MAPKBP1: variants seen among roughly 807,000 people sequenced by gnomAD.
The protein encoded by MAPKBP1 is mitogen-activated protein kinase-binding protein 1.
MAPKBP1 carries 71 observed loss-of-function variants against 170.5 expected under a neutral mutation model. That is an observed-to-expected ratio of 0.42 (90% CI 0.34 to 0.51). The LOEUF is 0.51. Ranked by LOEUF, MAPKBP1 falls within the 20% of genes least tolerant of loss-of-function variation. The pLI is 0.06. For synonymous variants in MAPKBP1, 719 were observed against 757.9 expected (o/e 0.95, Z 0.84); for missense variants, 1,598 against 1,933.0 (o/e 0.83, Z 3.25).
At position 41,827,657 on chromosome 15, in the gene MAPKBP1, T is replaced by A. The variant is rs1474295710; in HGVS notation, c.*2221T>A. 6.5e-6 allele frequency: 1 copy of A among 153,488 alleles called. No individual in the cohort carries two copies. Among genetic ancestry groups the A allele is most frequent in the African/African-American group, 2.4e-5 (1 of 41,518 alleles). 9.5% of individuals were successfully genotyped at this position (153,488 alleles called of 1,614,324 possible). A position where few individuals can be genotyped will look rare whatever the true frequency, so the allele number is the denominator to read the frequency against. On this transcript the variant is annotated 3_prime_UTR_variant, in exon 31 of 31. Coordinates refer to ENST00000457542, the MANE Select transcript of MAPKBP1 (RefSeq NM_014994.3). ...GGCGCCCCGTCCCCTTCTGCATGTCTGAGGCCACCGGCAACCGCCGCCCCA... is the reference window on the plus strand; with the variant it reads ...GGCGCCCCGTCCCCTTCTGCATGTCAGAGGCCACCGGCAACCGCCGCCCCA...
rs1466304077 is a variant in MAPKBP1 at position 41,817,049 on chromosome 15, G to A, written c.1711+14G>A. The A allele has an allele frequency of 4.5e-6, 7 of 1,568,878 alleles. No homozygotes were observed. The highest frequency in any genetic ancestry group is 1.8e-4 in the Middle Eastern group (1 of 5,626). On this transcript the variant is annotated intron_variant, in intron 14 of 30. Coordinates refer to ENST00000457542, the MANE Select transcript of MAPKBP1 (RefSeq NM_014994.3). The surrounding 1 kb of genome is among the most constrained non-coding windows in gnomAD (Gnocchi z 4.2). ...TTAAGTTTGCAGGTGCGGGCAGGGT[G>A]AATGAGACACATCCTGCCACTCTCA...
rs761410093 is a variant in MAPKBP1, at chr15:41,812,632, C to G, written c.615C>G (p.Leu205=). 2.5e-6 allele frequency: 4 copies of G among 1,610,424 alleles called. No homozygotes were observed. The East Asian group carries it at 8.9e-5, about 36-fold the overall frequency. ...ACCGACACATCAAATTCTGGTATCT[C>G]GATGACAGCAAGACCTCAAAGGTGA... ...AGNRHIKFWY[L]DDSKTSKVNA... The change falls in exon 7 of 31, where the codon CTC becomes CTG. Residue 205 remains leucine (L), a synonymous_variant. Coordinates refer to ENST00000457542, the MANE Select transcript of MAPKBP1 (RefSeq NM_014994.3).
chr15:41,797,227 A>T (rs2064507610), intron 2 of MAPKBP1, among the ~76,000 whole-genome samples: 1 of 152,212 alleles, frequency 6.6e-6, no homozygotes, highest in African/African-American at 2.4e-5. Context: ...GACTTGGTGT[A>T]ATTCTTCGGC....
chr15:41,792,281 C>T (rs986340281), intron 2 of MAPKBP1, among the ~76,000 whole-genome samples: 1 of 151,792 alleles, frequency 6.6e-6, no homozygotes, highest in Non-Finnish European at 1.5e-5. Context: ...TTTGCTGGCC[C>T]TCTTTCTCTC....
At chr15:41,814,416 T>G in intron 9 of MAPKBP1, 134 bp from the exon 10 acceptor site, 1 of 817,664 alleles carries the variant, frequency 1.2e-6, no homozygotes, top group Non-Finnish European at 1.9e-6. Flanking sequence ...AGGGGCTCCT[T>G]TCTTCTCTCA....
intron 3 of MAPKBP1, among the ~76,000 whole-genome samples, chr15:41,800,455 A>G (rs1446509977): frequency 6.6e-6 from 1 of 150,690 alleles, no homozygotes; most frequent in Admixed American, 6.6e-5. Context: ...CAATCCTCCC[A>G]CCTCAGTCTC....
intron 22 of MAPKBP1, among the ~76,000 whole-genome samples, chr15:41,820,134 A>G (rs1268058926): frequency 6.6e-6 from 1 of 152,218 alleles, no homozygotes. Context: ...GAGGGGACCC[A>G]TAACTCAGCG....
chr15:41,819,557 G>GA, intron 21 of MAPKBP1, 38 bp from the exon 22 acceptor site: 1 of 1,384,688 alleles, frequency 7.2e-7, no homozygotes. Context: ...CGGGGGGGGG[G>GA]CAGGAGACAC....
At position 41,822,209 on chromosome 15, in the gene MAPKBP1, C is replaced by T. The variant is rs370279900; in HGVS notation, c.3032-16C>T. 1.6e-5 allele frequency: 26 copies of T among 1,608,066 alleles called. No homozygotes were observed. The highest frequency in any genetic ancestry group is 2.1e-5 in the Non-Finnish European group (25 of 1,176,110). On this transcript the variant is annotated splice_polypyrimidine_tract_variant and intron_variant, in intron 25 of 30. Transcript: ENST00000457542. Reference sequence around the variant, plus strand: ...ATGGGTGCAGTGCGATGCCTCTCTCCCCTCCCCACACCCAGACTCTGAGAG... The same window carrying T: ...ATGGGTGCAGTGCGATGCCTCTCTCTCCTCCCCACACCCAGACTCTGAGAG...
Position 41,822,989 on chromosome 15 carries a change from A to G in MAPKBP1, c.3365A>G (p.Gln1122Arg). The change falls in exon 28 of 31, where the codon CAG becomes CGG. Residue 1122 changes from glutamine (Q) to arginine (R), a missense_variant. By Grantham distance (43) the Gln-to-Arg change is conservative. Transcript: ENST00000457542. ...CTGGCACTGATGTCGAGACCAGCCC[A>G]GGTGCCACAGGCATCTGGTGAGCAG... ...SSLALMSRPA[Q>R]VPQASGEQPR... 1 of 1,614,030 alleles carries G rather than the reference A, an allele frequency of 6.2e-7. No homozygotes were observed. Among genetic ancestry groups the G allele is most frequent in the Non-Finnish European group, 8.5e-7 (1 of 1,179,952 alleles).
intron 3 of MAPKBP1, among the ~76,000 whole-genome samples, chr15:41,804,641 G>A (rs1249788311): frequency 6.6e-6 from 1 of 152,210 alleles, no homozygotes; most frequent in Admixed American, 6.5e-5. Flanking sequence ...GCCTTTAAGG[G>A]CATGTGCTTA....
rs546225206 is a variant in MAPKBP1 at position 41,778,130 on chromosome 15, A to C, written c.114+2741A>C. Among the ~76,000 whole-genome samples the C allele has an allele frequency of 5.9e-5, 9 of 152,312 alleles. No individual in the cohort carries two copies. In the South Asian group the frequency reaches 1.7e-3, roughly 28 times the overall value. ...GGGTCATGCTCTTTATTTCCTTTAC[A>C]TCACACCGTTTAGGACAGTGTAAGA... On this transcript the variant is annotated intron_variant, in intron 2 of 30. Transcript: ENST00000457542.
intron 2 of MAPKBP1, among the ~76,000 whole-genome samples, chr15:41,797,006 C>T (rs1212749479): frequency 2.0e-5 from 3 of 152,150 alleles, no homozygotes; most frequent in African/African-American, 4.8e-5. Context: ...TGCATATGCA[C>T]ACACGTCTCT....
At chr15:41,791,991 G>T (rs2064404305) in intron 2 of MAPKBP1, among the ~76,000 whole-genome samples, 1 of 151,072 alleles carries the variant, frequency 6.6e-6, no homozygotes, top group Non-Finnish European at 1.5e-5. Context: ...GGAGGTGGAG[G>T]TTGCTGTCAG....
chr15:41,795,054 G>T (rs1206261235), intron 2 of MAPKBP1, among the ~76,000 whole-genome samples: 1 of 151,470 alleles, frequency 6.6e-6, no homozygotes, highest in Non-Finnish European at 1.5e-5. Flanking sequence ...AATCTCAGCT[G>T]CCTGGGAGGC....
chr15:41,792,425 T>G (rs2064410894), intron 2 of MAPKBP1, among the ~76,000 whole-genome samples: 1 of 152,146 alleles, frequency 6.6e-6, no homozygotes, highest in Admixed American at 6.5e-5. Context: ...TCTGTCAGGT[T>G]GGTATACGCT....
rs1428052347 is a variant in MAPKBP1 at position 41,821,757 on chromosome 15, A to C, written c.2885+7A>C. ...ACCCCACCATGGATACCAGGCAAGG[A>C]TCCTGCCCTAGCCAGACCCCGTGCC... is the stretch of plus-strand genomic sequence containing the variant. On this transcript the variant is annotated splice_region_variant and intron_variant, in intron 24 of 30. Transcript: ENST00000457542. The C allele has an allele frequency of 1.2e-6, 2 of 1,612,108 alleles. No individual in the cohort carries two copies.
At chr15:41,804,637 A>G (rs559778463) in intron 3 of MAPKBP1, among the ~76,000 whole-genome samples, 180 of 152,266 alleles carry the variant, frequency 1.2e-3, no homozygotes, top group South Asian at 0.011. Flanking sequence ...CCTGGCCTTT[A>G]AGGGCATGTG....
chr15:41,814,707 CTG>C lies in MAPKBP1; in HGVS notation c.1140_1141del (p.Tyr381SerfsTer17). On this transcript the variant is annotated frameshift_variant, in exon 10 of 31. Transcript: ENST00000457542. LOFTEE classifies it high-confidence loss of function. ...GAAAGTGGGCAAGGTGTACTCGGCT[CTG>C]TATCATTCTTCCTGCGTCTGGAGTG... Reference protein sequence around the residue: ...PKKVGKVYSALYHSSCVWSVE... With the variant: ...PKKVGKVYSAXYHSSCVWSVE... 1 of 1,614,196 alleles carries C rather than the reference CTG, an allele frequency of 6.2e-7. No individual in the cohort carries two copies. Among genetic ancestry groups the C allele is most frequent in the East Asian group, 2.2e-5 (1 of 44,888 alleles).
Sources: allele counts gnomAD v4.1 joint callset (sites outside exome capture counted in the v4.1 genomes callset), GRCh38; gene constraint gnomAD v4.1.1; non-coding constraint Gnocchi (gnomAD v3.1); transcripts MANE v1.5; gene names NCBI Gene and HGNC (gene_info 2026-07-23, HGNC 2026-07-21).